The following POTEE variants were observed in gnomAD, a reference collection of about 807,000 sequenced individuals.
POTEE encodes the protein ANKRD26-like family C member 1A.
A neutral mutation model predicts 74.2 loss-of-function variants in POTEE; 21 were observed. The ratio of observed to expected loss-of-function variants is 0.28; its 90% CI spans 0.20 to 0.41. The LOEUF is 0.41. Ranked by LOEUF, POTEE falls within the 10% of genes least tolerant of loss-of-function variation. The probability of loss-of-function intolerance (pLI) is 1.00; values close to 1 mark genes in which losing one functional copy is unlikely to be tolerated. For missense variants in POTEE, 525 were observed against 1,158.6 expected, an observed-to-expected ratio of 0.45 and a Z score of 7.94; for synonymous variants, 211 against 432.8, an observed-to-expected ratio of 0.49 and a Z score of 6.36.
At chr2:131,226,971 C>G (rs1214372555) in intron 7 of POTEE, 42 bp downstream of exon 7, 3 of 1,607,516 alleles carry the variant, frequency 1.9e-6, no homozygotes, top group South Asian at 2.2e-5. Flanking sequence ...AGATGGACAG[C>G]AGTCACTCAA....
At chr2:131,225,292 C>T (rs1236751835) in intron 6 of POTEE, among the ~76,000 whole-genome samples, 2 of 151,992 alleles carry the variant, frequency 1.3e-5, no homozygotes, top group Admixed American at 1.3e-4. Context: ...GGCTGTAGTC[C>T]CAGCTGCTAG....
intron 9 of POTEE, among the ~76,000 whole-genome samples, chr2:131,231,338 A>G (rs933270783): frequency 1.5e-4 from 22 of 151,622 alleles, no homozygotes; most frequent in East Asian, 3.9e-4. Flanking sequence ...ATGAGCCATA[A>G]GGAGTGGCTG....
Position 131,263,923 on chromosome 2 carries a change from T to G in POTEE, c.2468T>G (p.Met823Arg). ...AACCGCGAGAAGATGACCCAGATCATGTTTGAGACCTTCAACACCCCAGCC... is the reference window on the plus strand; with the variant it reads ...AACCGCGAGAAGATGACCCAGATCAGGTTTGAGACCTTCAACACCCCAGCC... ...KANREKMTQIMFETFNTPAMY... is the reference protein window; with the variant it reads ...KANREKMTQIRFETFNTPAMY... The change falls in exon 18 of 18, where the codon ATG (methionine) becomes AGG (arginine). Residue 823 changes from methionine (M) to arginine (R), a missense_variant. Met to Arg is a moderately conservative substitution (Grantham distance 91, BLOSUM62 -1). Transcript: ENST00000683005. 1 of 1,614,182 alleles carries G rather than the reference T, an allele frequency of 6.2e-7. No homozygotes were observed. Among genetic ancestry groups the G allele is most frequent in the South Asian group, 1.1e-5 (1 of 91,088 alleles).
chr2:131,218,795 C>T lies in POTEE; in HGVS notation c.393C>T (p.Pro131=). 1.2e-6 allele frequency: 2 copies of T among 1,612,708 alleles called. No homozygotes were observed. Among genetic ancestry groups the T allele is most frequent in the Non-Finnish European group, 1.7e-6 (2 of 1,179,868 alleles). The stretch of plus-strand genomic sequence containing the variant: ...ACGATGACAGCGCCTTCATGGAGCC[C>T]AGGTACCACGTCCGTGGAGAAGATC... ...GDYDDSAFME[P]RYHVRGEDLD... is the part of the protein sequence containing the mutation. The change falls in exon 4 of 18, where the codon CCC becomes CCT. Residue 131 remains proline (P), a synonymous_variant. Transcript: ENST00000683005.
At chr2:131,221,937 T>G (rs1700631412) in intron 4 of POTEE, among the ~76,000 whole-genome samples, 1 of 152,262 alleles carries the variant, frequency 6.6e-6, no homozygotes, top group South Asian at 2.1e-4. Flanking sequence ...ACACCTATTA[T>G]GTGGCAGGCA....
intron 4 of POTEE, among the ~76,000 whole-genome samples, chr2:131,222,301 C>T (rs2105073649): frequency 6.6e-6 from 1 of 152,310 alleles, no homozygotes; most frequent in Non-Finnish European, 1.5e-5. Context: ...AGCAAACTAA[C>T]AAAGGAAGAG....
At chr2:131,223,140 C>T (rs1700675106) in intron 4 of POTEE, among the ~76,000 whole-genome samples, 1 of 151,042 alleles carries the variant, frequency 6.6e-6, no homozygotes, top group Non-Finnish European at 1.5e-5. Flanking sequence ...CAAATGTTGT[C>T]TTTAGTGGTA....
intron 9 of POTEE, among the ~76,000 whole-genome samples, chr2:131,235,323 C>A (rs976790529): frequency 6.6e-6 from 1 of 152,098 alleles, no homozygotes; most frequent in Admixed American, 6.5e-5. Flanking sequence ...TCAAGACTGT[C>A]CTCTGCAGTC....
At chr2:131,219,506 G>T (rs1329227391) in intron 4 of POTEE, among the ~76,000 whole-genome samples, 2 of 152,028 alleles carry the variant, frequency 1.3e-5, no homozygotes, top group Non-Finnish European at 2.9e-5. Context: ...TTTGGGAGGC[G>T]GGCGGATCAC....
intron 16 of POTEE, among the ~76,000 whole-genome samples, chr2:131,254,969 AT>A (rs1231988884): frequency 2.0e-5 from 3 of 152,286 alleles, no homozygotes; most frequent in Non-Finnish European, 2.9e-5. Context: ...TAATCAGCTT[AT>A]GTAATCTAGA....
At chr2:131,224,436 C>A (rs368815834) in intron 6 of POTEE, among the ~76,000 whole-genome samples, 1 of 145,718 alleles carries the variant, frequency 6.9e-6, no homozygotes, top group African/African-American at 2.6e-5. Context: ...AGATCCTGCT[C>A]CTTTGGCAAG....
intron 16 of POTEE, among the ~76,000 whole-genome samples, chr2:131,253,901 AAAT>A (rs1413366191): frequency 7.3e-6 from 1 of 137,634 alleles, no homozygotes; most frequent in Non-Finnish European, 1.6e-5. Context: ...CATATCCCCA[AAAT>A]AATGTATTAT....
intron 8 of POTEE, among the ~76,000 whole-genome samples, 151 bp downstream of exon 8, chr2:131,228,532 C>G (rs543686962): frequency 3.4e-5 from 5 of 149,138 alleles, no homozygotes; most frequent in Non-Finnish European, 1.5e-5. Flanking sequence ...AGCCAGAAAT[C>G]AGACAAAAAG....
rs1559177241 is a variant in POTEE at position 131,226,855 on chromosome 2, T to C, written c.843T>C (p.His281=). 2.5e-6 allele frequency: 4 copies of C among 1,611,796 alleles called. No individual in the cohort carries two copies. Among genetic ancestry groups the C allele is most frequent in the Non-Finnish European group, 3.4e-6 (4 of 1,179,670 alleles). ...HGLTPLLLGV[H]EQKQQVVKFL... is the part of the protein sequence containing the mutation. Reference sequence around the variant, plus strand: ...TCACACCACTGTTACTTGGTGTACATGAGCAAAAACAGCAAGTCGTGAAAT... The same window carrying C: ...TCACACCACTGTTACTTGGTGTACACGAGCAAAAACAGCAAGTCGTGAAAT... The change falls in exon 7 of 18, where the codon CAT becomes CAC. Residue 281 remains histidine (H), a synonymous_variant. Coordinates refer to ENST00000683005, the MANE Select transcript of POTEE (RefSeq NM_001083538.3).
chr2:131,232,744 C>T (rs1216285039), intron 9 of POTEE, among the ~76,000 whole-genome samples: 1 of 151,302 alleles, frequency 6.6e-6, no homozygotes, highest in African/African-American at 2.4e-5. Context: ...TCCCACTTTT[C>T]CCTCTTTCAG....
In POTEE at chr2:131,218,846, G is replaced by T; in HGVS notation, c.444G>T (p.Trp148Cys). Reference sequence around the variant, plus strand: ...TGGACAAGCTCCACAGAGCTGCCTGGTGGGGTAAAGTCCCCAGAAAGGATC... The same window carrying T: ...TGGACAAGCTCCACAGAGCTGCCTGTTGGGGTAAAGTCCCCAGAAAGGATC... ...EDLDKLHRAAWWGKVPRKDLI... is the reference protein window; with the variant it reads ...EDLDKLHRAACWGKVPRKDLI... The change falls in exon 4 of 18, where the codon TGG (tryptophan) becomes TGT (cysteine). Residue 148 changes from tryptophan to cysteine, a missense_variant. Trp to Cys is a radical substitution (Grantham distance 215). Coordinates refer to ENST00000683005, the MANE Select transcript of POTEE (RefSeq NM_001083538.3). 1 of 1,612,980 alleles carries T rather than the reference G, an allele frequency of 6.2e-7. No homozygotes were observed. The highest frequency in any genetic ancestry group is 2.2e-5 in the East Asian group (1 of 44,878).
intron 1 of POTEE, among the ~76,000 whole-genome samples, chr2:131,210,181 C>T (rs1357041110): frequency 1.5e-5 from 2 of 136,148 alleles, no homozygotes; most frequent in African/African-American, 2.8e-5. Flanking sequence ...TCGGGTGCTG[C>T]ACTGCCCTTA....
Position 131,263,451 on chromosome 2 carries a change from A to G in POTEE, c.1996A>G (p.Lys666Glu), listed in dbSNP as rs1466842406. Residue 666 changes from lysine (K) to glutamate (E), a missense_variant, in exon 18 of 18, where the codon AAA becomes GAA. Coordinates refer to ENST00000683005, the MANE Select transcript of POTEE (RefSeq NM_001083538.3). ...AMLRLELDTM[K>E]HQSQLREKKY... Reference sequence around the variant, plus strand: ...GCTAAGACTGGAGCTAGACACAATGAAACATCAGAGCCAGCTAAGAGAAAA... The same window carrying G: ...GCTAAGACTGGAGCTAGACACAATGGAACATCAGAGCCAGCTAAGAGAAAA... 6.2e-7 allele frequency: 1 copy of G among 1,611,914 alleles called. No individual in the cohort carries two copies. Among genetic ancestry groups the G allele is most frequent in the Non-Finnish European group, 8.5e-7 (1 of 1,179,812 alleles).
At chr2:131,253,259 T>G (rs1301897059) in intron 16 of POTEE, among the ~76,000 whole-genome samples, 160 bp downstream of exon 16, 8 of 149,060 alleles carry the variant, frequency 5.4e-5, no homozygotes, top group South Asian at 2.2e-4. Context: ...TCAGTTACCG[T>G]TTTTTTTCCA....
Sources: gnomAD v4.1 joint callset for allele counts (sites outside exome capture counted in the v4.1 genomes callset) on GRCh38, gnomAD v4.1.1 for gene constraint, MANE v1.5 for transcripts, NCBI Gene and HGNC (gene_info 2026-07-23, HGNC 2026-07-21) for gene names.